Variants in AIG1 observed in about 807,000 individuals in gnomAD.
The protein encoded by AIG1 is androgen-induced gene 1 protein.
AIG1 carries 23 observed loss-of-function variants against 31.4 expected under a neutral mutation model. The observed-to-expected ratio is 0.73, with a 90% CI of 0.53 to 1.04. The LOEUF (loss-of-function observed/expected upper bound fraction) is 1.04. AIG1 is among the 50% of genes least tolerant of loss of function. The pLI is 0.00. For synonymous variants in AIG1, 100 were observed against 110.5 expected (o/e 0.90, Z 0.60); for missense variants, 274 against 295.0 (o/e 0.93, Z 0.52).
rs544184554 is a variant in AIG1 at position 143,330,919 on chromosome 6, G to A, written c.516-2363G>A. Among the ~76,000 whole-genome samples the A allele has an allele frequency of 1.4e-4, 21 of 152,274 alleles. No individual in the cohort carries two copies. The highest frequency in any genetic ancestry group is 3.4e-3 in the Middle Eastern group (1 of 294). On this transcript the variant is annotated intron_variant, in intron 4 of 5. Transcript: ENST00000357847. The surrounding 1 kb of genome is among the most constrained non-coding windows in gnomAD (Gnocchi z 4.4). ...CAATATGATATCTCAGAATCCCACA[G>A]GGTAGTTCTAACCATTTAATTTCTG...
chr6:143,075,243 C>T (rs1777626143), intron 1 of AIG1, among the ~76,000 whole-genome samples: 1 of 152,046 alleles, frequency 6.6e-6, no homozygotes, highest in Non-Finnish European at 1.5e-5. Flanking sequence ...TTTCAAAGAT[C>T]AGCTTTTGAT....
intron 1 of AIG1, among the ~76,000 whole-genome samples, chr6:143,097,732 T>C (rs1779920516): frequency 6.6e-6 from 1 of 152,196 alleles, no homozygotes; most frequent in Non-Finnish European, 1.5e-5. Context: ...AATCTTCATA[T>C]TAGCCAAAGG....
chr6:143,064,894 G>A (rs1354324482), intron 1 of AIG1, among the ~76,000 whole-genome samples: 2 of 152,204 alleles, frequency 1.3e-5, no homozygotes, highest in African/African-American at 2.4e-5. Context: ...CAGGCGGACT[G>A]AGTCTGAGAA....
At chr6:143,075,824 T>C (rs1268114957) in intron 1 of AIG1, among the ~76,000 whole-genome samples, 2 of 152,190 alleles carry the variant, frequency 1.3e-5, no homozygotes, top group African/African-American at 4.8e-5. Context: ...TTAAAAATAT[T>C]TTTAAAAATT....
downstream of AIG1, chr6:143,342,965 G>T (rs1562611413): frequency 6.1e-6 from 6 of 988,144 alleles, no homozygotes; most frequent in Admixed American, 1.7e-5. Flanking sequence ...AACATTCTGG[G>T]TCAAGAGCAG....
chr6:143,202,037 A>G (rs1350914264), intron 3 of AIG1, among the ~76,000 whole-genome samples: 1 of 152,188 alleles, frequency 6.6e-6, no homozygotes, highest in Non-Finnish European at 1.5e-5. Context: ...AAATGGCACA[A>G]AGATACCCAG....
At chr6:143,278,998 TA>T (rs910456306) in intron 3 of AIG1, among the ~76,000 whole-genome samples, 14 of 150,460 alleles carry the variant, frequency 9.3e-5, no homozygotes, top group African/African-American at 2.2e-4. Flanking sequence ...GTGAGAACTT[TA>T]AAAAAAAAAT....
intron 1 of AIG1, among the ~76,000 whole-genome samples, chr6:143,077,088 T>A (rs1375763470): frequency 6.6e-6 from 1 of 152,220 alleles, no homozygotes; most frequent in Admixed American, 6.5e-5. Flanking sequence ...ACAATCTACT[T>A]AGAGGGAATA....
chr6:143,068,109 C>T (rs746666195), intron 1 of AIG1, among the ~76,000 whole-genome samples: 15 of 152,154 alleles, frequency 9.9e-5, no homozygotes, highest in Non-Finnish European at 2.1e-4. Flanking sequence ...ATTGAAATTA[C>T]AGAAAGTCAT....
At chr6:143,078,140 A>G (rs996760111) in intron 1 of AIG1, among the ~76,000 whole-genome samples, 7 of 152,308 alleles carry the variant, frequency 4.6e-5, no homozygotes, top group South Asian at 2.1e-4. Flanking sequence ...TGTCATCTAC[A>G]TATTGCTATT....
At chr6:143,316,366 G>A (rs1422867509) in intron 4 of AIG1, among the ~76,000 whole-genome samples, 1 of 152,046 alleles carries the variant, frequency 6.6e-6, no homozygotes, top group Admixed American at 6.6e-5. Flanking sequence ...TAGTTTCACT[G>A]GAAACAAAAT....
chr6:143,178,239 C>T (rs891895999), intron 3 of AIG1, among the ~76,000 whole-genome samples: 3 of 152,150 alleles, frequency 2.0e-5, no homozygotes, highest in African/African-American at 7.2e-5. Flanking sequence ...ACTCTGCATC[C>T]CTCTGGGTGG....
intron 3 of AIG1, among the ~76,000 whole-genome samples, chr6:143,167,106 G>A (rs563995263): frequency 4.6e-5 from 7 of 152,266 alleles, no homozygotes; most frequent in South Asian, 2.1e-4. Context: ...AATTAGGTAC[G>A]TATTTTTAAG....
chr6:143,308,944 A>C (rs1048318469), intron 4 of AIG1, among the ~76,000 whole-genome samples: 1 of 151,960 alleles, frequency 6.6e-6, no homozygotes, highest in Non-Finnish European at 1.5e-5. Context: ...TATAAAATAT[A>C]TTTAAAAAAT....
At chr6:143,136,683 T>C (rs1258234801) in intron 1 of AIG1, 152 bp from the exon 2 acceptor site, 4 of 730,948 alleles carry the variant, frequency 5.5e-6, no homozygotes, top group African/African-American at 5.4e-5. Context: ...AAGTTGTAAA[T>C]GTCTGTTCTC....
chr6:143,276,807 A>G (rs1450993779), intron 3 of AIG1, among the ~76,000 whole-genome samples: 2 of 152,216 alleles, frequency 1.3e-5, no homozygotes, highest in East Asian at 3.8e-4. Context: ...ACATTTTGTC[A>G]GATTTCCCGA....
intron 3 of AIG1, among the ~76,000 whole-genome samples, chr6:143,206,673 T>C (rs1008547194): frequency 6.6e-6 from 1 of 152,172 alleles, no homozygotes; most frequent in African/African-American, 2.4e-5. Context: ...AGTAAAAAGA[T>C]ACAAAAACAA....
intron 2 of AIG1, among the ~76,000 whole-genome samples, chr6:143,157,435 TTC>T: frequency 7.4e-6 from 1 of 135,796 alleles, no homozygotes; most frequent in East Asian, 2.5e-4. Flanking sequence ...TTTTCCTCTC[TTC>T]TTTTTTTTTT....
chr6:143,335,166 C>T (rs1562603822), intron 5 of AIG1: 1 of 1,325,552 alleles, frequency 7.5e-7, no homozygotes, highest in Non-Finnish European at 9.7e-7. Flanking sequence ...CTGCTGGCCT[C>T]CCCCAACTTC....
Sources: allele counts gnomAD v4.1 joint callset (sites outside exome capture counted in the v4.1 genomes callset), GRCh38; gene constraint gnomAD v4.1.1; non-coding constraint Gnocchi (gnomAD v3.1); transcripts MANE v1.5; gene names NCBI Gene and HGNC (gene_info 2026-07-23, HGNC 2026-07-21).